The following CROCC2 variants were observed in gnomAD, a reference collection of about 807,000 sequenced individuals.
CROCC2 encodes the protein ciliary rootlet coiled-coil protein 2.
In CROCC2, 163 loss-of-function variants were observed where a neutral mutation model predicts 177.6. The observed-to-expected ratio is 0.92, with a 90% CI of 0.81 to 1.05. The LOEUF (loss-of-function observed/expected upper bound fraction) is 1.05, where lower values mean the gene tolerates loss of function less well. Among genes scored for constraint, CROCC2 ranks in the 50% least tolerant of loss-of-function variants. The pLI, the probability that CROCC2 is intolerant of heterozygous loss-of-function variation, is 0.00. For synonymous variants in CROCC2, 904 were observed against 787.3 expected (o/e 1.15, Z -2.48); for missense variants, 1,929 against 1,797.8 (o/e 1.07, Z -1.32).
intron 27 of CROCC2, among the ~76,000 whole-genome samples, chr2:240,975,194 G>A (rs976978928): frequency 6.6e-6 from 1 of 152,260 alleles, no homozygotes; most frequent in East Asian, 1.9e-4. Context: ...TATAATGCTA[G>A]TATGGTCAAA....
intron 22 of CROCC2, among the ~76,000 whole-genome samples, 179 bp downstream of exon 22, chr2:240,964,804 G>C (rs1200216782): frequency 6.6e-6 from 1 of 152,216 alleles, no homozygotes; most frequent in Non-Finnish European, 1.5e-5. Context: ...CTGTCCCCAT[G>C]GGGCACAGAT....
At position 240,918,220 on chromosome 2, in the gene CROCC2, C is replaced by T. The variant is rs963545570; in HGVS notation, c.79-506C>T. ...TTCAGCCTCAGCCCTCTGACCCATCCTCAGCCCCCACCCCCCAACAAACAC... is the reference window on the plus strand; with the variant it reads ...TTCAGCCTCAGCCCTCTGACCCATCTTCAGCCCCCACCCCCCAACAAACAC... On this transcript the variant is annotated intron_variant, in intron 1 of 31. Coordinates refer to ENST00000690015, the MANE Select transcript of CROCC2 (RefSeq NM_001351305.2). The surrounding 1 kb of genome is among the most constrained non-coding windows in gnomAD (Gnocchi z 6.3). Among the ~76,000 whole-genome samples, 3 of 152,204 alleles carry T rather than the reference C, an allele frequency of 2.0e-5. No individual in the cohort carries two copies. Among genetic ancestry groups the T allele is most frequent in the African/African-American group, 7.2e-5 (3 of 41,446 alleles).
chr2:240,930,305 A>C (rs971009383), intron 6 of CROCC2, 36 bp downstream of exon 6: 3 of 491,476 alleles, frequency 6.1e-6, no homozygotes, highest in African/African-American at 6.0e-5. Context: ...GCCAGGCACC[A>C]GGCTGCAGGG....
chr2:240,925,700 A>G, intron 4 of CROCC2, 24 bp from the exon 5 acceptor site: 1 of 701,910 alleles, frequency 1.4e-6, no homozygotes, highest in Non-Finnish European at 2.7e-6. Context: ...TACCCCCACC[A>G]TGCCCTGTGG....
intron 7 of CROCC2, 55 bp from the exon 8 acceptor site, chr2:240,932,261 TGG>T (rs2059436560): frequency 4.4e-6 from 3 of 675,890 alleles, no homozygotes; most frequent in Admixed American, 2.1e-5. Context: ...AGGGCATGCT[TGG>T]GTGCCCGTCC....
chr2:240,964,670 G>A (rs907452736), intron 22 of CROCC2, 45 bp downstream of exon 22: 15 of 1,532,672 alleles, frequency 9.8e-6, no homozygotes, highest in African/African-American at 1.4e-5. Context: ...GCACCCTCCC[G>A]CCTGGTGGGT....
rs1420761150 is a variant in CROCC2 at position 240,931,092 on chromosome 2, G to A, written c.911G>A (p.Gly304Asp). Residue 304 changes from glycine (G) to aspartate (D), a missense_variant, in exon 7 of 32, where the codon GGC (glycine) becomes GAC (aspartate). Physicochemically the swap from Gly to Asp is moderately conservative, Grantham distance 94 (BLOSUM62 -1). Around this residue, in one of 3 missense-constraint regions of CROCC2, gnomAD observed 1,397 missense variants for 1,239.9 expected, o/e 1.13. Coordinates refer to ENST00000690015, the MANE Select transcript of CROCC2 (RefSeq NM_001351305.2). ...DKAGEMLQLQ[G>D]RWDAEKVALQ... ...GCTGGGGAGATGCTGCAGCTGCAGG[G>A]CCGCTGGGACGCAGAGAAGGTGGCG... 1 of 715,518 alleles carries A rather than the reference G, an allele frequency of 1.4e-6. No homozygotes were observed. Among genetic ancestry groups the A allele is most frequent in the Non-Finnish European group, 2.6e-6 (1 of 384,090 alleles). 44.3% of individuals were successfully genotyped at this position (715,518 alleles called of 1,614,324 possible). A position where few individuals can be genotyped will look rare whatever the true frequency, so the allele number is the denominator to read the frequency against.
intron 14 of CROCC2, among the ~76,000 whole-genome samples, chr2:240,945,610 C>T (rs1013125880): frequency 2.6e-5 from 4 of 152,158 alleles, no homozygotes; most frequent in African/African-American, 9.7e-5. Context: ...TTCACTCCTT[C>T]GGTCCCAGCT....
At chr2:240,943,598 C>T (rs555839676) in intron 14 of CROCC2, among the ~76,000 whole-genome samples, 1 of 152,018 alleles carries the variant, frequency 6.6e-6, no homozygotes, top group Admixed American at 6.6e-5. Flanking sequence ...AGCAATTCTC[C>T]TGCCTCAGCC....
rs1339738342 is a variant in CROCC2, at chr2:240,958,621, C to T, written c.2944-680C>T. The T allele has an allele frequency of 2.0e-6, 2 of 983,760 alleles. No individual in the cohort carries two copies. The highest frequency in any genetic ancestry group is 2.4e-6 in the Non-Finnish European group (2 of 828,540). 60.9% of individuals were successfully genotyped at this position (983,760 alleles called of 1,614,324 possible). ...CTGCTGCCTGGAGGCTTGGTCCAGT[C>T]CCCTGAACCCAGGGGTGCAGAGCCT... On this transcript the variant is annotated intron_variant, in intron 19 of 31. Transcript: ENST00000690015. This position sits in a 1 kb window ranked among gnomAD's most constrained non-coding sequence, Gnocchi z 6.7.
intron 14 of CROCC2, among the ~76,000 whole-genome samples, chr2:240,942,058 C>A (rs943386950): frequency 2.0e-5 from 3 of 152,164 alleles, no homozygotes; most frequent in Admixed American, 2.0e-4. Flanking sequence ...CCTGCCAGCA[C>A]CTTGATTTTG....
chr2:240,906,833 C>T (rs907881646), intron 1 of CROCC2, among the ~76,000 whole-genome samples: 3 of 152,152 alleles, frequency 2.0e-5, no homozygotes, highest in Middle Eastern at 3.2e-3. Flanking sequence ...GGGCCCAGGG[C>T]CGCTGCTGGC....
At chr2:240,966,941 G>A (rs964278475) in intron 25 of CROCC2, among the ~76,000 whole-genome samples, 3 of 151,816 alleles carry the variant, frequency 2.0e-5, no homozygotes, top group Non-Finnish European at 4.4e-5. Context: ...CCTTCCCTTC[G>A]GGCCCACCCT....
At chr2:240,976,098 C>A (rs114889754) in intron 27 of CROCC2, among the ~76,000 whole-genome samples, 11,442 of 152,234 alleles carry the variant, frequency 0.075, 530 homozygotes, top group Middle Eastern at 0.14. Context: ...GATGGGGAGA[C>A]TGACACTGCA....
chr2:240,907,287 G>A (rs1393631881), intron 1 of CROCC2, among the ~76,000 whole-genome samples: 1 of 152,172 alleles, frequency 6.6e-6, no homozygotes, highest in Non-Finnish European at 1.5e-5. Context: ...GAATTGTCCC[G>A]TGTCCCTCTC....
Position 240,965,408 on chromosome 2 carries a change from A to G in CROCC2, c.3493A>G (p.Arg1165Gly). ...QVRTLKAENQRRSGEAHELQA... is the reference protein window; with the variant it reads ...QVRTLKAENQGRSGEAHELQA... ...GAGGACACTGAAGGCCGAGAACCAG[A>G]GGAGGAGTGGAGAGGCCCATGAGCT... The change falls in exon 23 of 32, where the codon AGG becomes GGG. Residue 1165 changes from arginine to glycine, a missense_variant. Physicochemically the swap from Arg to Gly is moderately radical, Grantham distance 125 (BLOSUM62 -2). This residue lies in a region of CROCC2 where 1,397 missense variants were observed against 1,239.9 expected (regional missense o/e 1.13). Transcript: ENST00000690015. 1 of 1,549,620 alleles carries G rather than the reference A, an allele frequency of 6.5e-7. No individual in the cohort carries two copies. Among genetic ancestry groups the G allele is most frequent in the Non-Finnish European group, 8.7e-7 (1 of 1,146,906 alleles).
chr2:240,953,959 C>T lies in CROCC2; in HGVS notation c.2830-1900C>T, dbSNP rs1574773594. ...GTTTTGCCTAAAATTCTAATAAATA[C>T]TCCCTTGCTGTGTCCAGTAATGAGG... On this transcript the variant is annotated intron_variant, in intron 18 of 31. Coordinates refer to ENST00000690015, the MANE Select transcript of CROCC2 (RefSeq NM_001351305.2). The surrounding 1 kb of genome is among the most constrained non-coding windows in gnomAD (Gnocchi z 4.0). Among the ~76,000 whole-genome samples, 1 of 152,266 alleles carries T rather than the reference C, an allele frequency of 6.6e-6. No homozygotes were observed. The highest frequency in any genetic ancestry group is 6.5e-5 in the Admixed American group (1 of 15,296).
chr2:240,975,406 C>G (rs13412511), intron 27 of CROCC2, among the ~76,000 whole-genome samples: 30,253 of 152,138 alleles, frequency 0.2, 3,461 homozygotes, highest in East Asian at 0.38. Flanking sequence ...GAGGGCAGGA[C>G]GGGGCAGCTC....
chr2:240,945,660 A>T (rs1016151272), intron 14 of CROCC2, among the ~76,000 whole-genome samples: 1 of 151,678 alleles, frequency 6.6e-6, no homozygotes, highest in African/African-American at 2.4e-5. Flanking sequence ...TATTCTTATG[A>T]TATATTCTTT....
Sources: allele counts gnomAD v4.1 joint callset (sites outside exome capture counted in the v4.1 genomes callset), GRCh38; gene constraint gnomAD v4.1.1; regional missense constraint gnomAD v4.1.1; non-coding constraint Gnocchi (gnomAD v3.1); transcripts MANE v1.5; gene names NCBI Gene and HGNC (gene_info 2026-07-23, HGNC 2026-07-21).